Variants in PBX1 observed in about 807,000 individuals in gnomAD.
PBX1 encodes pre-B-cell leukemia transcription factor 1.
In PBX1, 6 loss-of-function variants were observed where a neutral mutation model predicts 53.4. The observed-to-expected ratio is 0.11, with a 90% CI of 0.06 to 0.22. The LOEUF is 0.22. Ranked by LOEUF, PBX1 falls within the 10% of genes least tolerant of loss-of-function variation. The probability of loss-of-function intolerance (pLI) is 1.00; values close to 1 mark genes in which losing one functional copy is unlikely to be tolerated. For missense variants in PBX1, 251 were observed against 551.4 expected, an observed-to-expected ratio of 0.46 and a Z score of 5.46; for synonymous variants, 204 against 212.3, an observed-to-expected ratio of 0.96 and a Z score of 0.34.
intron 5 of PBX1, 95 bp from the exon 6 acceptor site, chr1:164,811,895 A>T: frequency 2.2e-6 from 2 of 924,878 alleles, no homozygotes; most frequent in East Asian, 2.7e-5. Context: ...CAATTAGCTT[A>T]CCTCTTCACC....
rs371768861 is a variant in PBX1, at chr1:164,588,473, C to CTTTT, written c.265+25186_265+25189dup. ...AAAGAGAAATACACTCCGGACTAAG[C>CTTTT]TTTTTTTTTTTTTTTTTTTTTTTTT... On this transcript the variant is annotated intron_variant, in intron 2 of 8. Coordinates refer to ENST00000420696, the MANE Select transcript of PBX1 (RefSeq NM_002585.4). Among the ~76,000 whole-genome samples the CTTTT allele has an allele frequency of 4.0e-3, 294 of 73,042 alleles. 29 individuals carry two copies. Among genetic ancestry groups the CTTTT allele is most frequent in the African/African-American group, 7.0e-3 (175 of 25,100 alleles). 47.9% of individuals were successfully genotyped at this position (73,042 alleles called of 152,430 possible).
intron 2 of PBX1, among the ~76,000 whole-genome samples, chr1:164,744,563 A>C (rs1312919743): frequency 6.6e-6 from 1 of 152,146 alleles, no homozygotes; most frequent in Non-Finnish European, 1.5e-5. Flanking sequence ...GTAGGGTCTC[A>C]TCTATGGGAG....
At chr1:164,568,033 G>T (rs1653560252) in intron 2 of PBX1, among the ~76,000 whole-genome samples, 1 of 152,156 alleles carries the variant, frequency 6.6e-6, no homozygotes, top group Non-Finnish European at 1.5e-5. Context: ...CACTGCTGGT[G>T]CCAGACCTAT....
intron 2 of PBX1, among the ~76,000 whole-genome samples, chr1:164,599,554 A>G (rs562660277): frequency 1.3e-4 from 20 of 152,146 alleles, no homozygotes; most frequent in Non-Finnish European, 2.4e-4. Context: ...GACTTGTTAT[A>G]AAAGCTGCCT....
At chr1:164,834,045 G>GTGTGTGTGTGTGTGTGTGTT (rs1670904659) in intron 8 of PBX1, among the ~76,000 whole-genome samples, 3 of 148,364 alleles carry the variant, frequency 2.0e-5, no homozygotes, top group Non-Finnish European at 4.4e-5. Flanking sequence ...GTGTGTGTGT[G>GTGTGTGTGTGTGTGTGTGTT]TGTGTGTGTG....
intron 2 of PBX1, among the ~76,000 whole-genome samples, chr1:164,708,890 C>G (rs1040709675): frequency 6.6e-6 from 1 of 152,208 alleles, no homozygotes; most frequent in African/African-American, 2.4e-5. Flanking sequence ...CAGGTTTGCA[C>G]TGAATCTGTT....
chr1:164,839,703 G>A (rs1042306915), intron 8 of PBX1, among the ~76,000 whole-genome samples: 6 of 152,148 alleles, frequency 3.9e-5, no homozygotes, highest in East Asian at 3.8e-4. Context: ...TTGCAGCAGC[G>A]TAAACTACAA....
chr1:164,799,416 G>A (rs563298079), intron 3 of PBX1, among the ~76,000 whole-genome samples: 3 of 152,240 alleles, frequency 2.0e-5, no homozygotes, highest in Admixed American at 6.5e-5. Flanking sequence ...GCGTGAACCC[G>A]GGAGGCGGGG....
chr1:164,789,641 A>T (rs1030388714), intron 2 of PBX1, among the ~76,000 whole-genome samples: 3 of 152,224 alleles, frequency 2.0e-5, no homozygotes, highest in African/African-American at 4.8e-5. Flanking sequence ...TTAATAGGAC[A>T]TCATTCTTTT....
At chr1:164,844,564 A>G (rs755207140) in intron 8 of PBX1, among the ~76,000 whole-genome samples, 2 of 152,154 alleles carry the variant, frequency 1.3e-5, no homozygotes, top group Non-Finnish European at 2.9e-5. Context: ...TGCATGCTGT[A>G]TGTTTTGTTT....
intron 2 of PBX1, among the ~76,000 whole-genome samples, chr1:164,658,638 C>CT (rs1660306516): frequency 6.6e-6 from 1 of 152,128 alleles, no homozygotes; most frequent in African/African-American, 2.4e-5. Context: ...TTCCAGCCTG[C>CT]TACATATCTA....
intron 2 of PBX1, among the ~76,000 whole-genome samples, chr1:164,719,366 GA>G (rs1486002085): frequency 6.6e-6 from 1 of 152,208 alleles, no homozygotes; most frequent in Non-Finnish European, 1.5e-5. Context: ...TGAGTATAAT[GA>G]AGTTCTATGA....
chr1:164,708,643 G>A (rs1401565662), intron 2 of PBX1, among the ~76,000 whole-genome samples: 3 of 152,178 alleles, frequency 2.0e-5, no homozygotes, highest in East Asian at 1.9e-4. Flanking sequence ...AAGTGTGAAT[G>A]TGCAGTATTT....
intron 2 of PBX1, among the ~76,000 whole-genome samples, chr1:164,722,212 T>C (rs1664452568): frequency 4.6e-5 from 7 of 152,188 alleles, no homozygotes; most frequent in Admixed American, 4.6e-4. Context: ...TAATCTCTTA[T>C]GCTGCGATCA....
intron 4 of PBX1, among the ~76,000 whole-genome samples, chr1:164,806,764 C>T (rs1669374307): frequency 6.6e-6 from 1 of 152,186 alleles, no homozygotes; most frequent in Admixed American, 6.5e-5. Flanking sequence ...AGGGAGGGGT[C>T]AGGCCCAGTG....
At chr1:164,676,793 G>A (rs1288833784) in intron 2 of PBX1, among the ~76,000 whole-genome samples, 1 of 152,086 alleles carries the variant, frequency 6.6e-6, no homozygotes, top group East Asian at 1.9e-4. Flanking sequence ...GTGTTCCTTT[G>A]CCCAAACCTT....
intron 2 of PBX1, among the ~76,000 whole-genome samples, chr1:164,882,560 T>A (rs1371532658): frequency 6.6e-6 from 1 of 152,178 alleles, no homozygotes; most frequent in African/African-American, 2.4e-5. Context: ...CTAGAGTACT[T>A]TCTACTGAAC....
intron 2 of PBX1, among the ~76,000 whole-genome samples, chr1:164,571,191 A>G (rs1475972266): frequency 6.6e-6 from 1 of 152,186 alleles, no homozygotes; most frequent in East Asian, 1.9e-4. Flanking sequence ...TATTTCTAAC[A>G]CCATGAAATT....
chr1:164,595,047 T>C (rs1224523138), intron 2 of PBX1, among the ~76,000 whole-genome samples: 3 of 152,252 alleles, frequency 2.0e-5, no homozygotes. Flanking sequence ...TCCTCTCTTA[T>C]GCAGTCTATA....
Sources: allele counts gnomAD v4.1 joint callset (sites outside exome capture counted in the v4.1 genomes callset), GRCh38; gene constraint gnomAD v4.1.1; transcripts MANE v1.5; gene names NCBI Gene and HGNC (gene_info 2026-07-23, HGNC 2026-07-21).